The following SESN3 variants were observed in gnomAD, a reference collection of about 807,000 sequenced individuals.
The protein encoded by SESN3 is sestrin 3.
A neutral mutation model predicts 55.3 loss-of-function variants in SESN3; 21 were observed. The observed-to-expected ratio is 0.38, with a 90% confidence interval of 0.27 to 0.55. SESN3 has a LOEUF of 0.55. Ranked by LOEUF, SESN3 falls within the 20% of genes least tolerant of loss-of-function variation. SESN3 has a pLI of 0.76. For synonymous variants in SESN3, 181 were observed against 203.1 expected (o/e 0.89, Z 0.93); for missense variants, 408 against 604.3 (o/e 0.68, Z 3.41).
At chr11:95,207,901 A>G (rs1333705353) in intron 1 of SESN3, among the ~76,000 whole-genome samples, 1 of 151,278 alleles carries the variant, frequency 6.6e-6, no homozygotes, top group African/African-American at 2.4e-5. Flanking sequence ...CTCGAACTCA[A>G]GAGTTCAAGT....
intron 1 of SESN3, among the ~76,000 whole-genome samples, chr11:95,223,030 C>T (rs1860885921): frequency 6.6e-6 from 1 of 152,148 alleles, no homozygotes; most frequent in African/African-American, 2.4e-5. Context: ...CAGCTAGTCA[C>T]TTATAGGTCT....
intron 1 of SESN3, among the ~76,000 whole-genome samples, chr11:95,228,433 T>G (rs780736860): frequency 2.0e-5 from 3 of 152,204 alleles, no homozygotes; most frequent in Non-Finnish European, 2.9e-5. Flanking sequence ...ATGACTCACT[T>G]GGCTACATTA....
intron 9 of SESN3, 108 bp downstream of exon 9, chr11:95,175,390 T>C: frequency 9.9e-7 from 1 of 1,005,464 alleles, no homozygotes; most frequent in Non-Finnish European, 1.4e-6. Context: ...GCCACTTCCA[T>C]GTCAATGGCT....
intron 1 of SESN3, among the ~76,000 whole-genome samples, chr11:95,212,806 T>G (rs1860683197): frequency 6.6e-6 from 1 of 152,154 alleles, no homozygotes; most frequent in Non-Finnish European, 1.5e-5. Context: ...TACACACACA[T>G]TATTATTCCC....
chr11:95,206,459 G>A (rs974332690), intron 1 of SESN3, among the ~76,000 whole-genome samples: 4 of 151,160 alleles, frequency 2.6e-5, no homozygotes, highest in Non-Finnish European at 4.4e-5. Context: ...CTCAATTCCT[G>A]TTTTGGCAAG....
At chr11:95,190,989 T>C (rs940080559) in intron 3 of SESN3, among the ~76,000 whole-genome samples, 1 of 152,050 alleles carries the variant, frequency 6.6e-6, no homozygotes, top group Non-Finnish European at 1.5e-5. Context: ...TCTCCATTAA[T>C]GCTGACTGAT....
At chr11:95,204,563 G>T (rs1042157531) in intron 1 of SESN3, among the ~76,000 whole-genome samples, 63 of 152,094 alleles carry the variant, frequency 4.1e-4, no homozygotes, top group African/African-American at 1.4e-3. Context: ...AAGGTAATTA[G>T]GTCATAAGAG....
At chr11:95,211,639 G>A (rs1860657652) in intron 1 of SESN3, among the ~76,000 whole-genome samples, 1 of 152,034 alleles carries the variant, frequency 6.6e-6, no homozygotes, top group African/African-American at 2.4e-5. Context: ...GCATGGTGGC[G>A]CACGCCTGTA....
chr11:95,208,300 T>C (rs1459370903), intron 1 of SESN3, among the ~76,000 whole-genome samples: 4 of 151,504 alleles, frequency 2.6e-5, no homozygotes, highest in Non-Finnish European at 4.4e-5. Flanking sequence ...CAGCACGAAG[T>C]ATTACTGGTC....
At chr11:95,213,492 G>A (rs1433145151) in intron 1 of SESN3, among the ~76,000 whole-genome samples, 2 of 152,162 alleles carry the variant, frequency 1.3e-5, no homozygotes, top group Non-Finnish European at 2.9e-5. Context: ...AAAGCTAGGT[G>A]AACAAGCAGC....
chr11:95,205,101 A>G lies in SESN3; in HGVS notation c.79-11579T>C, dbSNP rs546440245. On this transcript the variant is annotated intron_variant, in intron 1 of 9. Transcript: ENST00000536441. ...GGATAGTTAAGTCTATGTGGATACA[A>G]CAATACCAGTAAAAAGAAATATAAA... Among the ~76,000 whole-genome samples, 9 of 152,298 alleles carry G rather than the reference A, an allele frequency of 5.9e-5. 1 individual carries two copies. In the South Asian group the frequency reaches 1.7e-3, roughly 28 times the overall value.
At chr11:95,231,372 T>A (rs2134279670), upstream of SESN3, 2 of 378,658 alleles carry the variant, frequency 5.3e-6, no homozygotes, top group Non-Finnish European at 4.7e-6. Flanking sequence ...GAGGAAGCCT[T>A]GAATCTCCGG....
At chr11:95,212,950 T>C (rs986250878) in intron 1 of SESN3, among the ~76,000 whole-genome samples, 1 of 152,220 alleles carries the variant, frequency 6.6e-6, no homozygotes, top group Non-Finnish European at 1.5e-5. Context: ...TTATCTCTTC[T>C]TCTCTATTAT....
chr11:95,177,955 C>A (rs768622944), intron 7 of SESN3, 46 bp from the exon 8 acceptor site: 1 of 1,277,718 alleles, frequency 7.8e-7, no homozygotes, highest in Non-Finnish European at 1.1e-6. Flanking sequence ...CATTTTCCAT[C>A]TAAATTCTAT....
chr11:95,175,873 TGAAGAAAAAAC>T (rs1555117905), intron 8 of SESN3, among the ~76,000 whole-genome samples: 3 of 152,098 alleles, frequency 2.0e-5, no homozygotes, highest in Non-Finnish European at 4.4e-5. Context: ...TAAATTTTGT[TGAAGAAAAAAC>T]GAAGAAAAAT....
chr11:95,184,668 G>A, intron 5 of SESN3, 74 bp from the exon 6 acceptor site: 1 of 1,377,920 alleles, frequency 7.3e-7, no homozygotes, highest in Non-Finnish European at 1.0e-6. Context: ...ATCTCCAAAT[G>A]TCACCTTACT....
In SESN3 at chr11:95,177,762, G is replaced by A. The variant is rs145434950; in HGVS notation, c.1204C>T (p.Arg402Cys). The A allele has an allele frequency of 5.1e-5, 82 of 1,612,374 alleles. No individual in the cohort carries two copies. The Middle Eastern group carries it at 1.3e-3, about 26-fold the overall frequency. Reference sequence around the variant, plus strand: ...TGAACATAGTTAAATAAAGCTCTGCGCAGCATGGTTGTGTCAACATCCTCA... The same window carrying A: ...TGAACATAGTTAAATAAAGCTCTGCACAGCATGGTTGTGTCAACATCCTCA... Reference protein sequence around the residue: ...THEDVDTTMLRRALFNYVHCM... With the variant: ...THEDVDTTMLCRALFNYVHCM... The change falls in exon 8 of 10, where the codon CGC becomes TGC. Residue 402 changes from arginine (R) to cysteine (C), a missense_variant. By Grantham distance (180) the Arg-to-Cys change is radical (BLOSUM62 -3). Around this residue, in one of 4 missense-constraint regions of SESN3, gnomAD observed 121 missense variants for 204.9 expected, o/e 0.59. Coordinates refer to ENST00000536441, the MANE Select transcript of SESN3 (RefSeq NM_144665.4).
intron 1 of SESN3, among the ~76,000 whole-genome samples, chr11:95,218,252 AG>A (rs1182461529): frequency 6.6e-6 from 1 of 152,240 alleles, no homozygotes; most frequent in Non-Finnish European, 1.5e-5. Flanking sequence ...ATTATTACCC[AG>A]CCCTTTACAG....
intron 1 of SESN3, among the ~76,000 whole-genome samples, chr11:95,217,554 A>C (rs530782501): frequency 6.6e-6 from 1 of 151,192 alleles, no homozygotes; most frequent in East Asian, 2.0e-4. Flanking sequence ...TGGGAGGCTG[A>C]GGCAGGAGAA....
Sources: allele counts gnomAD v4.1 joint callset (sites outside exome capture counted in the v4.1 genomes callset), GRCh38; gene constraint gnomAD v4.1.1; regional missense constraint gnomAD v4.1.1; transcripts MANE v1.5; gene names NCBI Gene and HGNC (gene_info 2026-07-23, HGNC 2026-07-21).